SORCS3: variants seen among roughly 807,000 people sequenced by gnomAD.
SORCS3 encodes sortilin related VPS10 domain containing receptor 3.
Under a neutral mutation model 146.3 loss-of-function variants are expected in SORCS3, and 57 were observed. That is an observed-to-expected ratio of 0.39 (90% CI 0.31 to 0.49). The LOEUF (loss-of-function observed/expected upper bound fraction) is 0.49, where lower values mean the gene tolerates loss of function less well. Among genes scored for constraint, SORCS3 ranks in the 20% least tolerant of loss-of-function variants. The probability of loss-of-function intolerance (pLI) is 0.92; values close to 1 mark genes in which losing one functional copy is unlikely to be tolerated. For synonymous variants in SORCS3, 653 were observed against 618.5 expected (o/e 1.06, Z -0.83); for missense variants, 1,341 against 1,575.5 (o/e 0.85, Z 2.52).
chr10:104,911,965 T>A (rs1047548298), intron 2 of SORCS3, among the ~76,000 whole-genome samples: 1 of 152,182 alleles, frequency 6.6e-6, no homozygotes, highest in Non-Finnish European at 1.5e-5. Flanking sequence ...AACAAAGAAT[T>A]ACCCTCCCCT....
chr10:104,948,873 T>G (rs2019400015), intron 3 of SORCS3, among the ~76,000 whole-genome samples: 1 of 152,190 alleles, frequency 6.6e-6, no homozygotes, highest in African/African-American at 2.4e-5. Context: ...CAGTTCCTTT[T>G]GCCATTACCC....
At chr10:104,749,863 G>A (rs1019691618) in intron 1 of SORCS3, among the ~76,000 whole-genome samples, 2 of 151,792 alleles carry the variant, frequency 1.3e-5, no homozygotes, top group African/African-American at 2.4e-5. Flanking sequence ...TTTTAAAGCC[G>A]TGATCTCACT....
intron 4 of SORCS3, among the ~76,000 whole-genome samples, chr10:104,985,314 G>A (rs1339759524): frequency 6.6e-6 from 1 of 152,126 alleles, no homozygotes; most frequent in Admixed American, 6.5e-5. Context: ...TCTGTAAGTA[G>A]CAACTCCTTA....
intron 2 of SORCS3, among the ~76,000 whole-genome samples, chr10:104,889,685 C>A (rs2018728841): frequency 1.3e-5 from 2 of 152,050 alleles, no homozygotes; most frequent in Admixed American, 1.3e-4. Flanking sequence ...TATTTCTATG[C>A]ATGTTATAAA....
chr10:104,984,579 A>G (rs1333245208), intron 4 of SORCS3, among the ~76,000 whole-genome samples: 1 of 152,206 alleles, frequency 6.6e-6, no homozygotes, highest in African/African-American at 2.4e-5. Flanking sequence ...CTTACTGCCT[A>G]ACATTAAGGG....
Position 104,641,966 on chromosome 10 carries a change from C to G in SORCS3, c.627+12C>G, listed in dbSNP as rs2015425429. The G allele has an allele frequency of 1.4e-5, 18 of 1,314,652 alleles. No homozygotes were observed. The highest frequency in any genetic ancestry group is 1.8e-5 in the Non-Finnish European group (18 of 1,005,654). 81.4% of individuals were successfully genotyped at this position (1,314,652 alleles called of 1,614,324 possible). On this transcript the variant is annotated intron_variant, in intron 1 of 26. Transcript: ENST00000369701. The surrounding 1 kb of genome is among the most constrained non-coding windows in gnomAD (Gnocchi z 6.4). ...GACACAACAGCAGCGTGAGTACCCA[C>G]CCGGCGGCGGGTCCGCCTGTTTCCT...
Position 104,812,611 on chromosome 10 carries a change from G to A in SORCS3, c.628-30181G>A, listed in dbSNP as rs528527798. Among the ~76,000 whole-genome samples, 46 of 152,294 alleles carry A rather than the reference G, an allele frequency of 3.0e-4. No homozygotes were observed. In the South Asian group the frequency reaches 3.3e-3, roughly 11 times the overall value. On this transcript the variant is annotated intron_variant, in intron 1 of 26. Coordinates refer to ENST00000369701, the MANE Select transcript of SORCS3 (RefSeq NM_014978.3). ...CATTGGTAGTCACACACAGGGATGG[G>A]GGCGACTTTAACCTGAAAACTCCAG...
intron 3 of SORCS3, among the ~76,000 whole-genome samples, chr10:104,927,981 G>T (rs1045681666): frequency 6.6e-6 from 1 of 152,104 alleles, no homozygotes; most frequent in South Asian, 2.1e-4. Flanking sequence ...GCTGGTAAAA[G>T]GTAGAGGCAA....
At chr10:105,065,576 T>A (rs1318606396) in intron 5 of SORCS3, among the ~76,000 whole-genome samples, 2 of 152,026 alleles carry the variant, frequency 1.3e-5, no homozygotes, top group Non-Finnish European at 2.9e-5. Flanking sequence ...TTCTAGAGGC[T>A]GGAGTTGAGT....
intron 4 of SORCS3, among the ~76,000 whole-genome samples, chr10:105,000,054 G>T (rs1218559120): frequency 7.3e-6 from 1 of 137,232 alleles, no homozygotes; most frequent in African/African-American, 3.2e-5. Flanking sequence ...GCATTCACCT[G>T]CTGAATGAAT....
chr10:105,242,640 A>ATATACATT (rs1564793714), intron 20 of SORCS3, among the ~76,000 whole-genome samples: 65 of 83,686 alleles, frequency 7.8e-4, no homozygotes, highest in South Asian at 3.1e-3. Flanking sequence ...ATATACATTT[A>ATATACATT]TATATATATT....
chr10:104,973,316 A>G (rs1226034764), intron 3 of SORCS3, among the ~76,000 whole-genome samples: 1 of 151,406 alleles, frequency 6.6e-6, no homozygotes, highest in South Asian at 2.1e-4. Flanking sequence ...CTGTGAATCC[A>G]TCTGGTCCTG....
intron 1 of SORCS3, among the ~76,000 whole-genome samples, chr10:104,755,702 G>T (rs893032866): frequency 6.6e-6 from 1 of 152,168 alleles, no homozygotes; most frequent in Non-Finnish European, 1.5e-5. Context: ...TGGGGGCATT[G>T]ACATTCAGGC....
intron 1 of SORCS3, among the ~76,000 whole-genome samples, chr10:104,740,706 TTTTG>T (rs1177247306): frequency 6.6e-6 from 1 of 152,186 alleles, no homozygotes; most frequent in Non-Finnish European, 1.5e-5. Flanking sequence ...ACACTTATTT[TTTTG>T]TTTGTTTGTT....
rs74155025 is a variant in SORCS3, at chr10:104,744,444, A to T, written c.628-98348A>T. Among the ~76,000 whole-genome samples, 3 of 152,226 alleles carry T rather than the reference A, an allele frequency of 2.0e-5. No homozygotes were observed. The South Asian group carries it at 6.2e-4, about 32-fold the overall frequency. ...TATAATGCTATTTTTATTAAAGCAC[A>T]GGCCATATGTCAGCAATAGAAAAGC... On this transcript the variant is annotated intron_variant, in intron 1 of 26. Coordinates refer to ENST00000369701, the MANE Select transcript of SORCS3 (RefSeq NM_014978.3).
chr10:104,696,413 T>TATATATA (rs1406239310), intron 1 of SORCS3, among the ~76,000 whole-genome samples: 1,529 of 2,944 alleles, frequency 0.52, 691 homozygotes, highest in Non-Finnish European at 0.65. Flanking sequence ...TAATATAGAA[T>TATATATA]ATATATAATA....
chr10:105,091,173 C>T (rs1318452784), intron 6 of SORCS3, among the ~76,000 whole-genome samples: 1 of 133,986 alleles, frequency 7.5e-6, no homozygotes, highest in African/African-American at 2.8e-5. Flanking sequence ...CCCTTCCTTT[C>T]CTCCTTCCTT....
At chr10:105,060,951 AAAAC>A (rs1229058117) in intron 5 of SORCS3, among the ~76,000 whole-genome samples, 5 of 152,066 alleles carry the variant, frequency 3.3e-5, no homozygotes, top group Non-Finnish European at 5.9e-5. Context: ...ACAAAAAAAA[AAAAC>A]AAACAAAAAA....
chr10:105,036,168 C>G (rs1051399329), intron 4 of SORCS3, among the ~76,000 whole-genome samples: 2 of 152,064 alleles, frequency 1.3e-5, no homozygotes, highest in African/African-American at 4.8e-5. Context: ...TCCTAATGAC[C>G]AGAATTTTAG....
Sources: gnomAD v4.1 joint callset for allele counts (sites outside exome capture counted in the v4.1 genomes callset) on GRCh38, gnomAD v4.1.1 for gene constraint, Gnocchi (gnomAD v3.1) non-coding constraint, MANE v1.5 for transcripts, NCBI Gene and HGNC (gene_info 2026-07-23, HGNC 2026-07-21) for gene names.